ATXN7: variants seen among roughly 807,000 people sequenced by gnomAD.
ATXN7 encodes the protein ataxin 7.
Under a neutral mutation model 70.5 loss-of-function variants are expected in ATXN7, and 12 were observed. The observed-to-expected ratio is 0.17, with a 90% CI of 0.11 to 0.28. The LOEUF is 0.28. Among genes scored for constraint, ATXN7 ranks in the 10% least tolerant of loss-of-function variants. The pLI is 1.00. For synonymous variants in ATXN7, 498 were observed against 448.7 expected, an observed-to-expected ratio of 1.11 and a Z score of -1.39; for missense variants, 1,256 against 1,131.7, an observed-to-expected ratio of 1.11 and a Z score of -1.58.
At chr3:63,924,848 G>T (rs1488026020) in intron 4 of ATXN7, among the ~76,000 whole-genome samples, 1 of 152,204 alleles carries the variant, frequency 6.6e-6, no homozygotes, top group East Asian at 1.9e-4. Context: ...GCAGGATGAA[G>T]ACATGGGGTA....
At chr3:63,950,245 A>G (rs1207425525) in intron 4 of ATXN7, among the ~76,000 whole-genome samples, 1 of 152,224 alleles carries the variant, frequency 6.6e-6, no homozygotes, top group East Asian at 1.9e-4. Context: ...TGAAAGGATC[A>G]GTTTAGGTTT....
In ATXN7 at chr3:63,912,603, C is replaced by G; in HGVS notation, c.5C>G (p.Ser2Trp). Residue 2 changes from serine to tryptophan, a missense_variant, in exon 3 of 13, where the codon TCG (serine) becomes TGG (tryptophan). Physicochemically the swap from Ser to Trp is radical, Grantham distance 177. Transcript: ENST00000674280. M[S>W]ERAADDVRGE... is the part of the protein sequence containing the mutation. ...TACATTGTAGGAGCGGAAAGAATGTCGGAGCGGGCCGCGGATGACGTCAGG... is the reference window on the plus strand; with the variant it reads ...TACATTGTAGGAGCGGAAAGAATGTGGGAGCGGGCCGCGGATGACGTCAGG... 1 of 1,093,704 alleles carries G rather than the reference C, an allele frequency of 9.1e-7. No homozygotes were observed. The highest frequency in any genetic ancestry group is 1.1e-6 in the Non-Finnish European group (1 of 887,412). 67.7% of individuals were successfully genotyped at this position (1,093,704 alleles called of 1,614,324 possible). A position where few individuals can be genotyped will look rare whatever the true frequency, so the allele number is the denominator to read the frequency against.
At chr3:63,949,306 T>C (rs2074916403) in intron 4 of ATXN7, among the ~76,000 whole-genome samples, 1 of 151,922 alleles carries the variant, frequency 6.6e-6, no homozygotes, top group South Asian at 2.1e-4. Flanking sequence ...TTATTTTGTA[T>C]CCTCTAGTTT....
rs557445610 is a variant in ATXN7, at chr3:63,912,635, C to G, written c.37C>G (p.Pro13Ala). 5.2e-5 allele frequency: 55 copies of G among 1,053,044 alleles called. No homozygotes were observed. The African/African-American group carries it at 9.0e-4, about 17-fold the overall frequency. 65.2% of individuals were successfully genotyped at this position (1,053,044 alleles called of 1,614,324 possible). A position where few individuals can be genotyped will look rare whatever the true frequency, so the allele number is the denominator to read the frequency against. ...ERAADDVRGE[P>A]RRAAAAAGGA... Reference sequence around the variant, plus strand: ...GGCCGCGGATGACGTCAGGGGGGAGCCGCGCCGCGCGGCGGCGGCGGCGGG... The same window carrying G: ...GGCCGCGGATGACGTCAGGGGGGAGGCGCGCCGCGCGGCGGCGGCGGCGGG... Residue 13 changes from proline (P) to alanine (A), a missense_variant, in exon 3 of 13, where the codon CCG becomes GCG. By Grantham distance (27) the Pro-to-Ala change is conservative. Coordinates refer to ENST00000674280, the MANE Select transcript of ATXN7 (RefSeq NM_001377405.1).
intron 12 of ATXN7, chr3:63,998,378 A>T: frequency 1.0e-6 from 1 of 984,014 alleles, no homozygotes; most frequent in Non-Finnish European, 1.2e-6. Flanking sequence ...ATGTATACAC[A>T]CACGTATACA....
At position 64,001,830 on chromosome 3, in the gene ATXN7, C is replaced by T. The variant is rs913126380; in HGVS notation, c.*2363C>T. On this transcript the variant is annotated 3_prime_UTR_variant, in exon 13 of 13. Transcript: ENST00000674280. ...TTTTATGGTGATGAATAATTAAGAC[C>T]ATTTAAAACACGGGAGTACAAGTAT... 2 of 151,930 alleles carry T rather than the reference C, an allele frequency of 1.3e-5. No homozygotes were observed. Among genetic ancestry groups the T allele is most frequent in the Non-Finnish European group, 2.9e-5 (2 of 67,986 alleles). The allele number at this position is 151,930 out of a possible 1,614,324, so 9.4% of individuals were successfully genotyped here. A position where few individuals can be genotyped will look rare whatever the true frequency, so the allele number is the denominator to read the frequency against.
intron 12 of ATXN7, chr3:63,998,022 C>T (rs1361398691): frequency 7.0e-5 from 69 of 985,206 alleles, no homozygotes; most frequent in Admixed American, 1.8e-4. Context: ...CCAATATAAA[C>T]ACAGAAGACA....
chr3:63,977,458 T>C (rs2075406564), intron 5 of ATXN7, among the ~76,000 whole-genome samples: 1 of 152,216 alleles, frequency 6.6e-6, no homozygotes, highest in Admixed American at 6.5e-5. Context: ...TTCTCTGTCT[T>C]CTTCATATCA....
chr3:63,920,424 C>CT (rs1303335383), intron 4 of ATXN7, among the ~76,000 whole-genome samples: 1 of 152,142 alleles, frequency 6.6e-6, no homozygotes, highest in Non-Finnish European at 1.5e-5. Flanking sequence ...GTAAGAGGCC[C>CT]TGTAACCCAG....
At chr3:63,868,700 A>T (rs1484262795) in intron 1 of ATXN7, among the ~76,000 whole-genome samples, 1 of 152,196 alleles carries the variant, frequency 6.6e-6, no homozygotes, top group Non-Finnish European at 1.5e-5. Flanking sequence ...ACCCACCAGC[A>T]TTATATTTCT....
At chr3:63,863,616 CCGGGGCTCCGGGGAGAGGT>C, upstream of ATXN7, 1 of 1,196,504 alleles carries the variant, frequency 8.4e-7, no homozygotes, top group African/African-American at 1.6e-5. Flanking sequence ...CCGGGGAGGC[CCGGGGCTCCGGGGAGAGGT>C]CGGGAAGGCC....
chr3:63,941,168 C>G (rs2074759272), intron 4 of ATXN7, among the ~76,000 whole-genome samples: 1 of 152,102 alleles, frequency 6.6e-6, no homozygotes, highest in Middle Eastern at 3.2e-3. Flanking sequence ...ATAATATTGG[C>G]CATTTGTAAT....
intron 5 of ATXN7, among the ~76,000 whole-genome samples, chr3:63,961,967 G>A (rs2075139918): frequency 2.0e-5 from 3 of 152,104 alleles, no homozygotes; most frequent in Admixed American, 2.0e-4. Flanking sequence ...ACACACCTGC[G>A]ATTTCAACCC....
At chr3:63,930,230 A>C (rs1247175546) in intron 4 of ATXN7, among the ~76,000 whole-genome samples, 23 of 152,306 alleles carry the variant, frequency 1.5e-4, no homozygotes, top group Non-Finnish European at 5.9e-5. Flanking sequence ...TTTAAAAGAT[A>C]AGTTTTTATT....
chr3:63,909,949 AGTTTT>A (rs899707476), intron 2 of ATXN7, among the ~76,000 whole-genome samples: 1 of 152,202 alleles, frequency 6.6e-6, no homozygotes, highest in Non-Finnish European at 1.5e-5. Flanking sequence ...GCTTGCTATT[AGTTTT>A]GAGTATTGAG....
rs549055581 is a variant in ATXN7, at chr3:63,871,667, GA to G, written c.-111+7516del. ...ATGATGCAGTCAATATTTATTCATAGAAAAAAAGGTATATAATGAGACTATG... is the reference window on the plus strand; with the variant it reads ...ATGATGCAGTCAATATTTATTCATAGAAAAAAGGTATATAATGAGACTATG... On this transcript the variant is annotated intron_variant, in intron 1 of 12. Transcript: ENST00000674280. Among the ~76,000 whole-genome samples the G allele has an allele frequency of 8.6e-5, 13 of 151,964 alleles. No homozygotes were observed. The South Asian group carries it at 2.5e-3, about 29-fold the overall frequency.
intron 1 of ATXN7, among the ~76,000 whole-genome samples, chr3:63,886,906 A>G (rs774991824): frequency 1.3e-5 from 2 of 152,160 alleles, no homozygotes; most frequent in Non-Finnish European, 2.9e-5. Context: ...CCTCCTGTGG[A>G]ATTTCCTACT....
intron 4 of ATXN7, among the ~76,000 whole-genome samples, chr3:63,944,196 G>A (rs1221054555): frequency 6.6e-6 from 1 of 152,226 alleles, no homozygotes; most frequent in Non-Finnish European, 1.5e-5. Flanking sequence ...AAGATCCCCA[G>A]TAGATGCCTG....
At chr3:63,884,463 A>T (rs570603861) in intron 1 of ATXN7, among the ~76,000 whole-genome samples, 1 of 152,152 alleles carries the variant, frequency 6.6e-6, no homozygotes, top group Non-Finnish European at 1.5e-5. Flanking sequence ...ATAAACATAT[A>T]AACAAATAAT....
Sources: allele counts gnomAD v4.1 joint callset (sites outside exome capture counted in the v4.1 genomes callset), GRCh38; gene constraint gnomAD v4.1.1; transcripts MANE v1.5; gene names NCBI Gene and HGNC (gene_info 2026-07-23, HGNC 2026-07-21).